Variants in SOX5 observed in about 807,000 individuals in gnomAD.
SOX5 encodes the protein SRY-box transcription factor 5.
A neutral mutation model predicts 92.0 loss-of-function variants in SOX5; 9 were observed. That is an observed-to-expected ratio of 0.10 (90% confidence interval 0.06 to 0.17). The LOEUF (loss-of-function observed/expected upper bound fraction) is 0.17, where lower values mean the gene tolerates loss of function less well. SOX5 is among the 10% of genes least tolerant of loss of function. SOX5 has a pLI of 1.00. For missense variants in SOX5, 642 were observed against 944.5 expected (o/e 0.68, Z 4.20); for synonymous variants, 344 against 336.3 (o/e 1.02, Z -0.25).
At chr12:23,907,031 C>G (rs1212182027) in intron 1 of SOX5, among the ~76,000 whole-genome samples, 1 of 151,850 alleles carries the variant, frequency 6.6e-6, no homozygotes, top group Non-Finnish European at 1.5e-5. Context: ...ATCCCTGCTA[C>G]AGGGACAATC....
rs575623788 is a variant in SOX5 at position 23,530,178 on chromosome 12, TTTA to T, written c.*4038_*4040del. ...TCCTTGCAGACCCCGTAAGTTTTAT[TTTA>T]TTATTAATTTGATAGACAAATACCT... On this transcript the variant is annotated 3_prime_UTR_variant, in exon 15 of 15. Coordinates refer to ENST00000451604, the MANE Select transcript of SOX5 (RefSeq NM_006940.6). 6.1e-4 allele frequency: 93 copies of T among 152,360 alleles called. No homozygotes were observed. The highest frequency in any genetic ancestry group is 2.0e-3 in the African/African-American group (82 of 41,590). 9.4% of individuals were successfully genotyped at this position (152,360 alleles called of 1,614,324 possible).
In SOX5 at chr12:23,934,984, C is replaced by T. The variant is rs1942242017; in HGVS notation, c.38+14580G>A. Among the ~76,000 whole-genome samples, 5 of 151,156 alleles carry T rather than the reference C, an allele frequency of 3.3e-5. No individual in the cohort carries two copies. The South Asian group carries it at 1.0e-3, about 31-fold the overall frequency. Reference sequence around the variant, plus strand: ...TCTCCTTACTAAGGTATCAAGAAATCAGAAAAAGTAACAGAAGCCTTGGAC... The same window carrying T: ...TCTCCTTACTAAGGTATCAAGAAATTAGAAAAAGTAACAGAAGCCTTGGAC... On this transcript the variant is annotated intron_variant, in intron 1 of 14. Transcript: ENST00000451604.
In SOX5 at chr12:24,469,536, T is replaced by C. The variant is rs568339681; in HGVS notation, c.-251+92793A>G. Among the ~76,000 whole-genome samples the C allele has an allele frequency of 3.9e-5, 6 of 152,304 alleles. No individual in the cohort carries two copies. In the East Asian group the frequency reaches 5.8e-4, roughly 15 times the overall value. ...CTTCCTAATACTTTTATTTAACTCATGCCTTTAGATATTCCATTGTACAAA... is the reference window on the plus strand; with the variant it reads ...CTTCCTAATACTTTTATTTAACTCACGCCTTTAGATATTCCATTGTACAAA... On this transcript the variant is annotated intron_variant, in intron 1 of 4. Coordinates refer to the SOX5 transcript ENST00000446891.
intron 8 of SOX5, among the ~76,000 whole-genome samples, chr12:23,622,850 G>A (rs899692566): frequency 1.1e-4 from 16 of 152,062 alleles, no homozygotes; most frequent in African/African-American, 2.2e-4. Flanking sequence ...AATCAGAAAC[G>A]AAATTCAGAT....
At chr12:23,897,840 G>A (rs1172347138) in intron 1 of SOX5, among the ~76,000 whole-genome samples, 5 of 152,138 alleles carry the variant, frequency 3.3e-5, no homozygotes, top group Admixed American at 3.3e-4. Context: ...GGAGGAAATA[G>A]GGGCAGCTAC....
intron 2 of SOX5, among the ~76,000 whole-genome samples, chr12:23,872,264 G>A (rs1052900876): frequency 6.1e-5 from 9 of 146,868 alleles, no homozygotes; most frequent in Non-Finnish European, 1.0e-4. Flanking sequence ...CGCCCGCCTC[G>A]GCCTCCCAAA....
intron 13 of SOX5, among the ~76,000 whole-genome samples, chr12:23,538,531 G>A (rs1941140397): frequency 6.6e-6 from 1 of 152,172 alleles, no homozygotes; most frequent in Non-Finnish European, 1.5e-5. Context: ...ATTCTCTGAA[G>A]ATACTTGAAT....
chr12:24,077,245 A>G (rs1942738497), intron 4 of SOX5, among the ~76,000 whole-genome samples: 1 of 152,038 alleles, frequency 6.6e-6, no homozygotes, highest in Non-Finnish European at 1.5e-5. Context: ...TGTAACCAAG[A>G]CTGACTCTGG....
chr12:24,248,371 T>G (rs962988067), intron 3 of SOX5, among the ~76,000 whole-genome samples: 2 of 152,190 alleles, frequency 1.3e-5, no homozygotes, highest in Non-Finnish European at 2.9e-5. Context: ...AATCACTACT[T>G]TAATGAGTTT....
intron 6 of SOX5, among the ~76,000 whole-genome samples, chr12:23,695,517 T>C (rs2089654258): frequency 6.6e-6 from 1 of 152,224 alleles, no homozygotes; most frequent in African/African-American, 2.4e-5. Context: ...TATTGAGTTT[T>C]GTCAAATGCT....
chr12:24,102,360 G>T (rs184687729), intron 4 of SOX5, among the ~76,000 whole-genome samples: 45 of 152,256 alleles, frequency 3.0e-4, no homozygotes, highest in Admixed American at 2.6e-4. Flanking sequence ...CCTGGAAAAT[G>T]TCTCTGCCAC....
intron 4 of SOX5, among the ~76,000 whole-genome samples, chr12:23,965,515 G>C (rs1463696591): frequency 6.6e-6 from 1 of 152,178 alleles, no homozygotes; most frequent in Non-Finnish European, 1.5e-5. Context: ...ATCTGTGCTA[G>C]TGCTTCCCAT....
chr12:24,015,266 C>T (rs1953462507), intron 4 of SOX5, among the ~76,000 whole-genome samples: 1 of 152,068 alleles, frequency 6.6e-6, no homozygotes. Flanking sequence ...GTGCGGTAAT[C>T]GGTGGGCTCT....
chr12:24,159,857 C>T (rs761342417), intron 4 of SOX5, among the ~76,000 whole-genome samples: 5 of 152,032 alleles, frequency 3.3e-5, no homozygotes, highest in African/African-American at 7.2e-5. Flanking sequence ...ATTCAGAATA[C>T]AGTACTTGGA....
chr12:23,716,855 G>T (rs2054473), intron 6 of SOX5, among the ~76,000 whole-genome samples: 1 of 152,198 alleles, frequency 6.6e-6, no homozygotes, highest in South Asian at 2.1e-4. Flanking sequence ...CCCACAATCT[G>T]TGTACAACCC....
chr12:24,179,288 G>T (rs1955193098), intron 4 of SOX5, among the ~76,000 whole-genome samples: 1 of 152,160 alleles, frequency 6.6e-6, no homozygotes, highest in African/African-American at 2.4e-5. Flanking sequence ...ATGTTACCTT[G>T]ACATTTCATT....
rs77558976 is a variant in SOX5, at chr12:23,968,314, A to G, written c.-1-72290T>C. On this transcript the variant is annotated intron_variant, in intron 4 of 4. Transcript: ENST00000446891. ...ACCTCTATATTACTAAATCCAGTGG[A>G]AACTCTTCAAGTCTTATACTACTTG... 6.2e-4 allele frequency among the ~76,000 whole-genome samples: 94 copies of G among 152,302 alleles called. 1 individual carries two copies. In the East Asian group the frequency reaches 0.01, roughly 17 times the overall value.
intron 2 of SOX5, among the ~76,000 whole-genome samples, chr12:23,880,736 A>C (rs1681858135): frequency 6.6e-6 from 1 of 152,212 alleles, no homozygotes. Flanking sequence ...GTGGGACGGA[A>C]CAAGTATGCC....
chr12:24,287,031 A>G (rs1945952947), intron 2 of SOX5, among the ~76,000 whole-genome samples: 2 of 152,202 alleles, frequency 1.3e-5, no homozygotes, highest in Admixed American at 1.3e-4. Context: ...ATATTGGGTC[A>G]TGTAGCTTTA....
Sources: gnomAD v4.1 joint callset for allele counts (sites outside exome capture counted in the v4.1 genomes callset) on GRCh38, gnomAD v4.1.1 for gene constraint, MANE v1.5 for transcripts, NCBI Gene and HGNC (gene_info 2026-07-23, HGNC 2026-07-21) for gene names.